ANKRD44: variants seen among roughly 807,000 people sequenced by gnomAD.
ANKRD44 encodes serine/threonine-protein phosphatase 6 regulatory ankyrin repeat subunit B.
A neutral mutation model predicts 116.0 loss-of-function variants in ANKRD44; 35 were observed. That is an observed-to-expected ratio of 0.30 (90% CI 0.23 to 0.40). ANKRD44 has a LOEUF of 0.40. ANKRD44 is among the 10% of genes least tolerant of loss of function. ANKRD44 has a pLI of 1.00. For synonymous variants in ANKRD44, 435 were observed against 461.8 expected (o/e 0.94, Z 0.74); for missense variants, 1,014 against 1,242.6 (o/e 0.82, Z 2.77).
chr2:197,053,145 T>C (rs979257281), intron 16 of ANKRD44, among the ~76,000 whole-genome samples: 6 of 152,148 alleles, frequency 3.9e-5, no homozygotes, highest in African/African-American at 1.4e-4. Flanking sequence ...CACTCCAGCC[T>C]TGGCAACAGA....
At chr2:197,115,560 T>C (rs1427662145) in intron 8 of ANKRD44, among the ~76,000 whole-genome samples, 1 of 152,170 alleles carries the variant, frequency 6.6e-6, no homozygotes, top group Non-Finnish European at 1.5e-5. Flanking sequence ...TTCCCATCCA[T>C]CTTTTAGTTG....
chr2:197,177,433 G>A (rs1032000870), intron 2 of ANKRD44, among the ~76,000 whole-genome samples: 1 of 152,088 alleles, frequency 6.6e-6, no homozygotes, highest in African/African-American at 2.4e-5. Context: ...AGATGGGAGC[G>A]CCATTATGCT....
rs1260067506 is a variant in ANKRD44 at position 197,121,553 on chromosome 2, G to C, written c.694-9C>G. On this transcript the variant is annotated splice_polypyrimidine_tract_variant and intron_variant, in intron 7 of 27. Coordinates refer to ENST00000282272, the MANE Select transcript of ANKRD44 (RefSeq NM_001195144.2). ...ACATTGATTTCATCAATCTGCAAAAGAGTCCAACACAGGGTGATTAAAGTC... is the reference window on the plus strand; with the variant it reads ...ACATTGATTTCATCAATCTGCAAAACAGTCCAACACAGGGTGATTAAAGTC... 1 of 1,612,408 alleles carries C rather than the reference G, an allele frequency of 6.2e-7. No individual in the cohort carries two copies. Among genetic ancestry groups the C allele is most frequent in the South Asian group, 1.1e-5 (1 of 90,936 alleles).
chr2:197,216,578 T>C (rs1441138820), intron 1 of ANKRD44, among the ~76,000 whole-genome samples: 1 of 152,160 alleles, frequency 6.6e-6, no homozygotes, highest in Non-Finnish European at 1.5e-5. Flanking sequence ...AGAGTGCTTT[T>C]TCAGAAATTG....
At chr2:197,122,171 G>A (rs982270743) in intron 7 of ANKRD44, among the ~76,000 whole-genome samples, 1 of 152,128 alleles carries the variant, frequency 6.6e-6, no homozygotes, top group African/African-American at 2.4e-5. Flanking sequence ...GATGCAACTT[G>A]GTTTTCCTTT....
At chr2:197,000,621 A>G (rs372145059) in intron 22 of ANKRD44, 119 bp from the exon 23 acceptor site, 202 of 799,536 alleles carry the variant, frequency 2.5e-4, no homozygotes, top group South Asian at 1.2e-3. Flanking sequence ...AATCGAACGT[A>G]AATATTTGTG....
chr2:197,136,615 G>A lies in ANKRD44; in HGVS notation c.238C>T (p.Arg80Trp), dbSNP rs368673568. The change falls in exon 4 of 28, where the codon CGG becomes TGG. Residue 80 changes from arginine (R) to tryptophan (W), a missense_variant. Transcript: ENST00000282272. ...KDNMWLTPLH[R>W]AVASRSEEAV... ...ACTTCACTTCTGGAAGCAACAGCCC[G>A]GTGCAGTGGAGTCAGCCACATGTTG... The A allele has an allele frequency of 1.5e-5, 25 of 1,614,008 alleles. No individual in the cohort carries two copies. The highest frequency in any genetic ancestry group is 4.4e-5 in the South Asian group (4 of 91,082).
Position 197,237,182 on chromosome 2 carries a change from G to A in ANKRD44, c.28-50076C>T, listed in dbSNP as rs1014762686. On this transcript the variant is annotated intron_variant, in intron 1 of 27. Coordinates refer to ENST00000282272, the MANE Select transcript of ANKRD44 (RefSeq NM_001195144.2). ...CTTAAGAATAGACCTTTGTTCTATA[G>A]AGTATTGCACCCTTGAATGTTTCAG... 2.0e-5 allele frequency among the ~76,000 whole-genome samples: 3 copies of A among 152,146 alleles called. No individual in the cohort carries two copies. The South Asian group carries it at 6.2e-4, about 32-fold the overall frequency.
Position 196,988,144 on chromosome 2 carries a change from C to A in ANKRD44, c.*1447G>T. On this transcript the variant is annotated 3_prime_UTR_variant, in exon 28 of 28. Transcript: ENST00000282272. ...GAGTCACTGCTTTGCTGAAATGATT[C>A]TTGTACTCTCTGCTACACGACAGGA... is the stretch of plus-strand genomic sequence containing the variant. 2.0e-6 allele frequency: 2 copies of A among 985,334 alleles called. No individual in the cohort carries two copies. Among genetic ancestry groups the A allele is most frequent in the Non-Finnish European group, 2.4e-6 (2 of 829,902 alleles). The allele number at this position is 985,334 out of a possible 1,614,324, so 61.0% of individuals were successfully genotyped here.
At chr2:197,253,726 G>A (rs2082374756) in intron 1 of ANKRD44, among the ~76,000 whole-genome samples, 1 of 152,274 alleles carries the variant, frequency 6.6e-6, no homozygotes, top group Middle Eastern at 3.4e-3. Context: ...TCTCACCTAG[G>A]TAAAGAGAAA....
intron 9 of ANKRD44, among the ~76,000 whole-genome samples, chr2:197,108,698 G>A (rs113945820): frequency 0.055 from 8,367 of 152,110 alleles, 450 homozygotes; most frequent in African/African-American, 0.13. Flanking sequence ...AAATTAGCTG[G>A]GCATGGTGGC....
intron 2 of ANKRD44, among the ~76,000 whole-genome samples, chr2:197,176,898 T>C (rs895876850): frequency 3.3e-5 from 5 of 150,940 alleles, no homozygotes; most frequent in South Asian, 4.2e-4. Context: ...TTTCAGGTCT[T>C]TTAAAGTCAG....
intron 25 of ANKRD44, among the ~76,000 whole-genome samples, chr2:196,996,653 C>A (rs1192507926): frequency 1.3e-5 from 2 of 152,070 alleles, no homozygotes; most frequent in East Asian, 3.9e-4. Context: ...GCCTGTAATC[C>A]TAGCACTTTG....
chr2:196,979,603 G>A (rs1574212488), intron 21 of ANKRD44, among the ~76,000 whole-genome samples: 1 of 111,198 alleles, frequency 9.0e-6, no homozygotes, highest in African/African-American at 3.5e-5. Context: ...GGCTCTTGTT[G>A]CCCAGGCTGG....
At chr2:197,019,611 T>A (rs1170254038) in intron 17 of ANKRD44, among the ~76,000 whole-genome samples, 1 of 152,294 alleles carries the variant, frequency 6.6e-6, no homozygotes, top group East Asian at 1.9e-4. Context: ...GCCCAAGCTG[T>A]GAGGCTTTTC....
intron 1 of ANKRD44, among the ~76,000 whole-genome samples, chr2:197,235,715 T>C (rs923328720): frequency 1.3e-5 from 2 of 150,824 alleles, no homozygotes; most frequent in Admixed American, 6.6e-5. Context: ...ACAAATATTA[T>C]ACAATACAAA....
In ANKRD44 at chr2:197,081,407, C is replaced by T. The variant is rs147017591; in HGVS notation, c.1538+238G>A. 2.7e-4 allele frequency among the ~76,000 whole-genome samples: 41 copies of T among 152,280 alleles called. No homozygotes were observed. In the East Asian group the frequency reaches 7.9e-3, roughly 29 times the overall value. The stretch of plus-strand genomic sequence containing the variant: ...GACACCAGGTCCTAAAAACTGCTGA[C>T]CAATCACAGTGGTGGCTGAAGCAAA... On this transcript the variant is annotated intron_variant, in intron 15 of 27. Transcript: ENST00000282272.
chr2:197,059,712 G>A (rs2125047466), intron 16 of ANKRD44, among the ~76,000 whole-genome samples: 1 of 152,302 alleles, frequency 6.6e-6, no homozygotes, highest in Non-Finnish European at 1.5e-5. Flanking sequence ...ATGTGATTCA[G>A]CAATGCAATT....
At chr2:197,241,530 C>T (rs764941005) in intron 1 of ANKRD44, among the ~76,000 whole-genome samples, 3 of 151,990 alleles carry the variant, frequency 2.0e-5, no homozygotes, top group Non-Finnish European at 2.9e-5. Flanking sequence ...ATCTTGGGTC[C>T]AGAAGTTTAT....
Sources: gnomAD v4.1 joint callset for allele counts (sites outside exome capture counted in the v4.1 genomes callset) on GRCh38, gnomAD v4.1.1 for gene constraint, MANE v1.5 for transcripts, NCBI Gene and HGNC (gene_info 2026-07-23, HGNC 2026-07-21) for gene names.